PCTP: variants seen among roughly 807,000 people sequenced by gnomAD.
PCTP encodes the protein phosphatidylcholine transfer protein.
PCTP carries 27 observed loss-of-function variants against 31.0 expected under a neutral mutation model. The observed-to-expected ratio is 0.87, with a 90% confidence interval of 0.64 to 1.20. The LOEUF (loss-of-function observed/expected upper bound fraction) is 1.20, where lower values mean the gene tolerates loss of function less well. Among genes scored for constraint, PCTP ranks in the 50% most tolerant of loss-of-function variants. The probability of loss-of-function intolerance (pLI) is 0.00; values close to 1 mark genes in which losing one functional copy is unlikely to be tolerated. For synonymous variants in PCTP, 108 were observed against 101.2 expected, an observed-to-expected ratio of 1.07 and a Z score of -0.40; for missense variants, 287 against 268.2, an observed-to-expected ratio of 1.07 and a Z score of -0.49.
At chr17:55,833,774 T>C (rs1469395790) in intron 5 of PCTP, among the ~76,000 whole-genome samples, 11 of 152,222 alleles carry the variant, frequency 7.2e-5, no homozygotes. Context: ...AATTGGAATA[T>C]TCTCATCCCC....
At chr17:55,815,298 A>G (rs1479988648) in intron 3 of PCTP, among the ~76,000 whole-genome samples, 3 of 152,218 alleles carry the variant, frequency 2.0e-5, no homozygotes, top group Non-Finnish European at 2.9e-5. Context: ...AAAAAATGAT[A>G]GTAGAGAGGG....
chr17:55,794,247 G>C (rs1368500442), intron 3 of PCTP, among the ~76,000 whole-genome samples: 1 of 151,816 alleles, frequency 6.6e-6, no homozygotes, highest in African/African-American at 2.4e-5. Context: ...CTATATACAT[G>C]ATATGGTGGT....
chr17:55,808,848 C>T (rs12941753), intron 3 of PCTP, among the ~76,000 whole-genome samples: 21,242 of 152,164 alleles, frequency 0.14, 1,552 homozygotes, highest in Middle Eastern at 0.19. Flanking sequence ...ATTTCCTTCC[C>T]CCTCAACCCC....
In PCTP at chr17:55,776,062, A is replaced by C. The variant is rs781465235; in HGVS notation, c.607A>C (p.Met203Leu). The change falls in exon 6 of 6, where the codon ATG (methionine) becomes CTG (leucine). Residue 203 changes from methionine (M) to leucine (L), a missense_variant. Physicochemically the swap from Met to Leu is conservative, Grantham distance 15 (BLOSUM62 2). Transcript: ENST00000268896. Reference protein sequence around the residue: ...KNGVPNFLKDMARACQNYLKK... With the variant: ...KNGVPNFLKDLARACQNYLKK... ...TGGAGTTCCTAACTTCTTGAAAGAC[A>C]TGGCAAGAGCCTGTCAGAACTACCT... The C allele has an allele frequency of 3.1e-6, 5 of 1,613,914 alleles. No homozygotes were observed.
At chr17:55,769,054 G>A (rs927042799) in intron 2 of PCTP, 1 of 152,208 alleles carries the variant, frequency 6.6e-6, no homozygotes, top group African/African-American at 2.4e-5. Flanking sequence ...AATTTCATCA[G>A]GATTGTTTCT....
intron 3 of PCTP, among the ~76,000 whole-genome samples, chr17:55,811,001 G>A (rs771688042): frequency 6.6e-6 from 1 of 152,128 alleles, no homozygotes; most frequent in Non-Finnish European, 1.5e-5. Context: ...AGGGGAGGCC[G>A]GATAGTTGTT....
intron 3 of PCTP, among the ~76,000 whole-genome samples, chr17:55,772,021 A>G (rs1911035817): frequency 6.6e-6 from 1 of 152,220 alleles, no homozygotes; most frequent in African/African-American, 2.4e-5. Context: ...CAACACTTCA[A>G]AGGTGTTCTG....
chr17:55,779,658 T>C (rs919594905), downstream of PCTP, among the ~76,000 whole-genome samples: 5 of 152,192 alleles, frequency 3.3e-5, no homozygotes, highest in African/African-American at 4.8e-5. Context: ...CCTAAAAATA[T>C]GTATTATTCT....
intron 3 of PCTP, among the ~76,000 whole-genome samples, chr17:55,795,496 C>G (rs750164555): frequency 1.3e-5 from 2 of 151,978 alleles, no homozygotes; most frequent in Non-Finnish European, 2.9e-5. Context: ...CAATATTTAT[C>G]AAGGTGAGCC....
In PCTP at chr17:55,776,724, T is replaced by A. The variant is rs1911350645; in HGVS notation, c.*624T>A. Reference sequence around the variant, plus strand: ...TTCCTACTTGTGGAGGATCAGTAGCTGTTATGATGCCAGACCATTTGGAGA... The same window carrying A: ...TTCCTACTTGTGGAGGATCAGTAGCAGTTATGATGCCAGACCATTTGGAGA... On this transcript the variant is annotated 3_prime_UTR_variant, in exon 6 of 6. Coordinates refer to ENST00000268896, the MANE Select transcript of PCTP (RefSeq NM_021213.4). 2 of 1,191,440 alleles carry A rather than the reference T, an allele frequency of 1.7e-6. No individual in the cohort carries two copies. Among genetic ancestry groups the A allele is most frequent in the Non-Finnish European group, 2.1e-6 (2 of 962,672 alleles). 73.8% of individuals were successfully genotyped at this position (1,191,440 alleles called of 1,614,324 possible).
chr17:55,795,582 G>A (rs1912160934), intron 3 of PCTP, among the ~76,000 whole-genome samples: 1 of 152,058 alleles, frequency 6.6e-6, no homozygotes, highest in Non-Finnish European at 1.5e-5. Flanking sequence ...GAGCGTGACA[G>A]ATTGAAATGT....
chr17:55,823,967 T>A (rs751088095), downstream of PCTP, among the ~76,000 whole-genome samples: 25 of 152,202 alleles, frequency 1.6e-4, no homozygotes, highest in Non-Finnish European at 3.5e-4. Context: ...TGAGACTTAA[T>A]GGCCCCAGAT....
Position 55,820,499 on chromosome 17 carries a change from G to A in PCTP, c.318-2262G>A, listed in dbSNP as rs75505876. 5.0e-3 allele frequency among the ~76,000 whole-genome samples: 756 copies of A among 152,156 alleles called. 8 individuals are homozygous for A. The highest frequency in any genetic ancestry group is 0.017 in the African/African-American group (700 of 41,484). ...GGCCAAGGGGATGAATAGCTCCCTC[G>A]AACCTCTTTCATGAGGTCATTAATC... On this transcript the variant is annotated intron_variant, in intron 3 of 3. Coordinates refer to the PCTP transcript ENST00000572536.
At chr17:55,800,550 T>A (rs1459162164) in intron 3 of PCTP, among the ~76,000 whole-genome samples, 1 of 152,080 alleles carries the variant, frequency 6.6e-6, no homozygotes, top group Non-Finnish European at 1.5e-5. Context: ...AGTTTGTTAT[T>A]ACCCACCTTC....
chr17:55,792,251 A>G (rs1912018732), intron 3 of PCTP, among the ~76,000 whole-genome samples: 2 of 150,934 alleles, frequency 1.3e-5, no homozygotes, highest in African/African-American at 4.9e-5. Flanking sequence ...GCACATGTAT[A>G]CATATGTAAC....
At chr17:55,841,996 T>C (rs1905997992) in intron 5 of PCTP, among the ~76,000 whole-genome samples, 2 of 152,194 alleles carry the variant, frequency 1.3e-5, no homozygotes, top group South Asian at 4.1e-4. Flanking sequence ...AGAAAAAATA[T>C]ATAAGTACAC....
intron 1 of PCTP, among the ~76,000 whole-genome samples, chr17:55,758,729 T>G (rs1209939349): frequency 1.3e-5 from 2 of 152,212 alleles, no homozygotes; most frequent in South Asian, 4.1e-4. Context: ...CTGTCTCCCT[T>G]GAGTGTGCAA....
downstream of PCTP, among the ~76,000 whole-genome samples, chr17:55,826,743 A>G (rs9910004): frequency 0.15 from 22,500 of 152,164 alleles, 1,702 homozygotes; most frequent in Middle Eastern, 0.23. Flanking sequence ...AAGCCTGTCT[A>G]GGTTTGGGCT....
At chr17:55,804,026 C>T (rs1319539066) in intron 3 of PCTP, among the ~76,000 whole-genome samples, 1 of 151,820 alleles carries the variant, frequency 6.6e-6, no homozygotes, top group East Asian at 1.9e-4. Flanking sequence ...AAGAAAAAAA[C>T]AACCCCATCA....
Sources: gnomAD v4.1 joint callset for allele counts (sites outside exome capture counted in the v4.1 genomes callset) on GRCh38, gnomAD v4.1.1 for gene constraint, MANE v1.5 for transcripts, NCBI Gene and HGNC (gene_info 2026-07-23, HGNC 2026-07-21) for gene names.